The following RASGEF1C variants were observed in gnomAD, a reference collection of about 807,000 sequenced individuals.
RASGEF1C encodes the protein ras-GEF domain-containing family member 1C.
In RASGEF1C, 27 loss-of-function variants were observed where a neutral mutation model predicts 58.1. The ratio of observed to expected loss-of-function variants is 0.46; its 90% CI spans 0.34 to 0.64. The LOEUF is 0.64. Among genes scored for constraint, RASGEF1C ranks in the 30% least tolerant of loss-of-function variants. RASGEF1C has a pLI of 0.01. For missense variants in RASGEF1C, 502 were observed against 605.1 expected (o/e 0.83, Z 1.79); for synonymous variants, 243 against 246.3 (o/e 0.99, Z 0.13).
chr5:180,163,806 A>T (rs1055919630), intron 1 of RASGEF1C, among the ~76,000 whole-genome samples: 1 of 152,222 alleles, frequency 6.6e-6, no homozygotes, highest in Non-Finnish European at 1.5e-5. Flanking sequence ...ACAGTATAGA[A>T]TTGTGTTATT....
chr5:180,183,822 CAATAAATAAATA>C (rs56828482), intron 1 of RASGEF1C, among the ~76,000 whole-genome samples: 1 of 149,414 alleles, frequency 6.7e-6, no homozygotes, highest in East Asian at 2.0e-4. Context: ...AACTCCATCT[CAATAAATAAATA>C]AATAAATAAA....
chr5:180,115,506 T>C, intron 10 of RASGEF1C: 1 of 189,952 alleles, frequency 5.3e-6, no homozygotes, highest in Non-Finnish European at 1.2e-5. Context: ...GGAGACACAG[T>C]TGTAGGAGTA....
chr5:180,119,306 C>T (rs771046938), intron 8 of RASGEF1C, 40 bp downstream of exon 8: 60 of 1,528,428 alleles, frequency 3.9e-5, no homozygotes, highest in Non-Finnish European at 5.3e-5. Flanking sequence ...TCTCGGGGGA[C>T]CCGTGCACTG....
chr5:180,133,396 T>C (rs1256397032), intron 4 of RASGEF1C, among the ~76,000 whole-genome samples: 2 of 152,170 alleles, frequency 1.3e-5, no homozygotes, highest in African/African-American at 4.8e-5. Flanking sequence ...GGGAGCCCAC[T>C]GCTGTCTCCT....
chr5:180,174,357 C>T (rs1171155356), intron 1 of RASGEF1C, among the ~76,000 whole-genome samples: 1 of 151,924 alleles, frequency 6.6e-6, no homozygotes, highest in Non-Finnish European at 1.5e-5. Context: ...TCAGAAACTT[C>T]AAGCAGGCAG....
chr5:180,189,041 G>A (rs570590120), intron 1 of RASGEF1C, among the ~76,000 whole-genome samples: 73 of 152,310 alleles, frequency 4.8e-4, no homozygotes, highest in African/African-American at 1.7e-3. Context: ...ATCTATGTAG[G>A]AAATTCTACA....
intron 1 of RASGEF1C, among the ~76,000 whole-genome samples, chr5:180,142,539 G>A (rs758416412): frequency 6.6e-6 from 1 of 152,134 alleles, no homozygotes; most frequent in Non-Finnish European, 1.5e-5. Context: ...TCCCAGCAGC[G>A]AACACTCTCG....
At chr5:180,108,049 A>G (rs1000398682) in intron 12 of RASGEF1C, among the ~76,000 whole-genome samples, 1 of 150,944 alleles carries the variant, frequency 6.6e-6, no homozygotes, top group South Asian at 2.1e-4. Flanking sequence ...GTTTTTTCCA[A>G]CTCTGGGAAC....
chr5:180,201,704 C>T (rs1756398299), intron 1 of RASGEF1C, among the ~76,000 whole-genome samples: 1 of 152,188 alleles, frequency 6.6e-6, no homozygotes, highest in Non-Finnish European at 1.5e-5. Context: ...GAAACGTAGT[C>T]CCCAGTGTGA....
chr5:180,168,165 T>C lies in RASGEF1C; in HGVS notation c.-6-30107A>G, dbSNP rs1485448999. Among the ~76,000 whole-genome samples the C allele has an allele frequency of 1.3e-5, 2 of 152,114 alleles. No individual in the cohort carries two copies. Among genetic ancestry groups the C allele is most frequent in the African/African-American group, 4.8e-5 (2 of 41,404 alleles). ...CAAAAAAAAGGCCAGGCGCAGTGGC[T>C]CACACCTGTAATCCCAGCACTTTGG... On this transcript the variant is annotated intron_variant, in intron 1 of 13. Transcript: ENST00000361132. This position sits in a 1 kb window ranked among gnomAD's most constrained non-coding sequence, Gnocchi z 6.0.
At chr5:180,149,460 GT>G (rs36121514) in intron 1 of RASGEF1C, among the ~76,000 whole-genome samples, 3,395 of 146,034 alleles carry the variant, frequency 0.023, 117 homozygotes, top group East Asian at 0.18. Flanking sequence ...GTTTTGTTTT[GT>G]TTTGTTTTTT....
chr5:180,139,766 G>A (rs1386029565), intron 1 of RASGEF1C, among the ~76,000 whole-genome samples: 2 of 152,258 alleles, frequency 1.3e-5, no homozygotes, highest in African/African-American at 4.8e-5. Context: ...GGGGACAGCT[G>A]CGGGATGGGC....
intron 1 of RASGEF1C, among the ~76,000 whole-genome samples, chr5:180,169,004 A>G (rs943972178): frequency 1.3e-5 from 2 of 152,114 alleles, no homozygotes; most frequent in Non-Finnish European, 2.9e-5. Context: ...CAAAGCCCTC[A>G]AGTAGCTTCT....
At chr5:180,181,269 G>A (rs1767318860) in intron 1 of RASGEF1C, among the ~76,000 whole-genome samples, 1 of 152,198 alleles carries the variant, frequency 6.6e-6, no homozygotes, top group East Asian at 1.9e-4. Flanking sequence ...ACATACTTGA[G>A]TGTTTAAAGC....
In RASGEF1C at chr5:180,158,240, A is replaced by G. The variant is rs10079475; in HGVS notation, c.-6-20182T>C. Among the ~76,000 whole-genome samples the G allele has an allele frequency of 0.15, 22,872 of 152,130 alleles. 1,850 individuals carry two copies. The highest frequency in any genetic ancestry group is 0.18 in the East Asian group (918 of 5,174). On this transcript the variant is annotated intron_variant, in intron 1 of 13. Coordinates refer to ENST00000361132, the MANE Select transcript of RASGEF1C (RefSeq NM_175062.4). The surrounding 1 kb of genome is among the most constrained non-coding windows in gnomAD (Gnocchi z 4.0). ...TCAGTTGCCCTCTGGATGTGGTACG[A>G]AGCTGTTACACTGAGATCACCTTTC...
chr5:180,136,660 C>T, intron 3 of RASGEF1C, 145 bp from the exon 4 acceptor site: 6 of 832,902 alleles, frequency 7.2e-6, no homozygotes, highest in Admixed American at 5.9e-5. Context: ...GGGGTGCGAT[C>T]CTGCTCTGCG....
chr5:180,105,658 A>G (rs1765864212), intron 12 of RASGEF1C, among the ~76,000 whole-genome samples: 1 of 151,784 alleles, frequency 6.6e-6, no homozygotes, highest in South Asian at 2.1e-4. Flanking sequence ...ACTTGAGGTC[A>G]GGAGTTCGAG....
chr5:180,151,337 C>A (rs1226612515), intron 1 of RASGEF1C, among the ~76,000 whole-genome samples: 1 of 152,064 alleles, frequency 6.6e-6, no homozygotes, highest in Non-Finnish European at 1.5e-5. Context: ...GCTACAGTAA[C>A]CAAAACAGCA....
chr5:180,101,192 G>A lies in RASGEF1C; in HGVS notation c.*309C>T, dbSNP rs983169008. ...GCTTGCAGTGGTCCCACCCTCTGGGGCAGTGTTGTGTCCTTGCCGAGGATG... is the reference window on the plus strand; with the variant it reads ...GCTTGCAGTGGTCCCACCCTCTGGGACAGTGTTGTGTCCTTGCCGAGGATG... On this transcript the variant is annotated 3_prime_UTR_variant, in exon 14 of 14. Transcript: ENST00000361132. The A allele has an allele frequency of 2.3e-6, 1 of 439,826 alleles. No individual in the cohort carries two copies. Among genetic ancestry groups the A allele is most frequent in the Non-Finnish European group, 4.1e-6 (1 of 243,288 alleles). 27.2% of individuals were successfully genotyped at this position (439,826 alleles called of 1,614,324 possible). A position where few individuals can be genotyped will look rare whatever the true frequency, so the allele number is the denominator to read the frequency against.
Sources: gnomAD v4.1 joint callset for allele counts (sites outside exome capture counted in the v4.1 genomes callset) on GRCh38, gnomAD v4.1.1 for gene constraint, Gnocchi (gnomAD v3.1) non-coding constraint, MANE v1.5 for transcripts, NCBI Gene and HGNC (gene_info 2026-07-23, HGNC 2026-07-21) for gene names.